The following ASTN2 variants were observed in gnomAD, a reference collection of about 807,000 sequenced individuals.
The protein encoded by ASTN2 is astrotactin-2.
ASTN2 carries 54 observed loss-of-function variants against 139.8 expected under a neutral mutation model. The ratio of observed to expected loss-of-function variants is 0.39; its 90% CI spans 0.31 to 0.48. The LOEUF (loss-of-function observed/expected upper bound fraction) is 0.48. Ranked by LOEUF, ASTN2 falls within the 20% of genes least tolerant of loss-of-function variation. The pLI is 0.95. For synonymous variants in ASTN2, 756 were observed against 719.5 expected, an observed-to-expected ratio of 1.05 and a Z score of -0.81; for missense variants, 1,565 against 1,725.1, an observed-to-expected ratio of 0.91 and a Z score of 1.64.
In ASTN2 at chr9:116,805,920, G is replaced by A; in HGVS notation, c.2208-100C>T. ...CCTCCTTTCCCTGCAAAACAGGTCA[G>A]AGTTTAGGAAGGAGACAGCTATTCT... On this transcript the variant is annotated intron_variant, in intron 12 of 22. Coordinates refer to ENST00000313400, the MANE Select transcript of ASTN2 (RefSeq NM_001365068.1). 3 of 1,212,724 alleles carry A rather than the reference G, an allele frequency of 2.5e-6. No homozygotes were observed. The South Asian group carries it at 4.4e-5, about 18-fold the overall frequency. The allele number at this position is 1,212,724 out of a possible 1,614,324, so 75.1% of individuals were successfully genotyped here. A position where few individuals can be genotyped will look rare whatever the true frequency, so the allele number is the denominator to read the frequency against.
chr9:116,711,667 C>T (rs2132096565), intron 16 of ASTN2, among the ~76,000 whole-genome samples: 1 of 152,264 alleles, frequency 6.6e-6, no homozygotes, highest in Admixed American at 6.5e-5. Context: ...ACCTAAGGAA[C>T]TCCAGCAGTC....
chr9:116,567,409 G>A (rs920836852), intron 19 of ASTN2, among the ~76,000 whole-genome samples: 6 of 152,278 alleles, frequency 3.9e-5, no homozygotes, highest in East Asian at 3.9e-4. Flanking sequence ...CTCAGTTGGC[G>A]GGGTGGGGCG....
At chr9:116,690,838 G>C (rs1397694315) in intron 16 of ASTN2, among the ~76,000 whole-genome samples, 1 of 152,196 alleles carries the variant, frequency 6.6e-6, no homozygotes, top group Non-Finnish European at 1.5e-5. Context: ...ATAAAAAAAT[G>C]CCTGACAATA....
chr9:117,227,984 T>C (rs1832769076), intron 2 of ASTN2, among the ~76,000 whole-genome samples: 1 of 152,130 alleles, frequency 6.6e-6, no homozygotes. Flanking sequence ...AAAGAGGGTG[T>C]CAATAATGTG....
At chr9:117,254,720 A>G (rs1256545183) in intron 2 of ASTN2, among the ~76,000 whole-genome samples, 1 of 152,218 alleles carries the variant, frequency 6.6e-6, no homozygotes, top group African/African-American at 2.4e-5. Flanking sequence ...AAAAAATACT[A>G]GATGTGAGTC....
intron 2 of ASTN2, among the ~76,000 whole-genome samples, chr9:117,231,863 C>T (rs1832901651): frequency 6.6e-6 from 1 of 152,162 alleles, no homozygotes; most frequent in South Asian, 2.1e-4. Context: ...CTATTTTGCT[C>T]AGAATCTTCT....
intron 1 of ASTN2, among the ~76,000 whole-genome samples, chr9:117,356,509 A>C (rs142466652): frequency 1.3e-5 from 2 of 152,360 alleles, no homozygotes; most frequent in Non-Finnish European, 2.9e-5. Flanking sequence ...GAGCAAGAGC[A>C]GTGCAGGAAC....
chr9:116,840,529 G>C (rs1419591293), intron 11 of ASTN2, among the ~76,000 whole-genome samples: 2 of 118,522 alleles, frequency 1.7e-5, no homozygotes, highest in Non-Finnish European at 1.7e-5. Context: ...CCTCCCTCCT[G>C]GACGGGGCGG....
intron 10 of ASTN2, among the ~76,000 whole-genome samples, chr9:116,906,734 G>A (rs1370405256): frequency 6.6e-6 from 1 of 152,158 alleles, no homozygotes; most frequent in Non-Finnish European, 1.5e-5. Context: ...TACTCAGGGA[G>A]TGTGAGTTGA....
In ASTN2 at chr9:116,937,280, C is replaced by A. The variant is rs949238325; in HGVS notation, c.1889+37928G>T. 2.6e-5 allele frequency among the ~76,000 whole-genome samples: 4 copies of A among 152,170 alleles called. No individual in the cohort carries two copies. In the South Asian group the frequency reaches 8.3e-4, roughly 31 times the overall value. The stretch of plus-strand genomic sequence containing the variant: ...TTGACTCCTGAGCAACCACTCACCC[C>A]TCAGCTTCCTTCTCCCACCTCCTTC... On this transcript the variant is annotated intron_variant, in intron 10 of 22. Coordinates refer to ENST00000313400, the MANE Select transcript of ASTN2 (RefSeq NM_001365068.1).
chr9:117,055,337 C>A (rs1198056309), intron 5 of ASTN2, among the ~76,000 whole-genome samples: 1 of 152,180 alleles, frequency 6.6e-6, no homozygotes, highest in Non-Finnish European at 1.5e-5. Flanking sequence ...GAAGACTGGG[C>A]CAGGTGTAGA....
At chr9:116,827,912 CA>C (rs1456443761) in intron 11 of ASTN2, among the ~76,000 whole-genome samples, 2 of 112,772 alleles carry the variant, frequency 1.8e-5, no homozygotes, top group Non-Finnish European at 3.6e-5. Flanking sequence ...ACCCTGATAC[CA>C]AAACCATACA....
At chr9:117,301,650 T>C (rs1026353611) in intron 1 of ASTN2, among the ~76,000 whole-genome samples, 1 of 152,120 alleles carries the variant, frequency 6.6e-6, no homozygotes, top group African/African-American at 2.4e-5. Context: ...CCAGGAGGTG[T>C]GATATGATAA....
At position 117,213,132 on chromosome 9, in the gene ASTN2, C is replaced by T. The variant is rs181376507; in HGVS notation, c.1015+1226G>A. On this transcript the variant is annotated intron_variant, in intron 3 of 22. Coordinates refer to ENST00000313400, the MANE Select transcript of ASTN2 (RefSeq NM_001365068.1). ...AAGAATGAAATCCTTTCATTTATGG[C>T]GACCTTGATGGAACTGAAGAACATT... Among the ~76,000 whole-genome samples, 364 of 152,168 alleles carry T rather than the reference C, an allele frequency of 2.4e-3. 2 individuals are homozygous for T. The highest frequency in any genetic ancestry group is 8.4e-3 in the African/African-American group (349 of 41,508).
chr9:116,786,396 T>C (rs150226815), intron 13 of ASTN2, among the ~76,000 whole-genome samples: 76 of 152,334 alleles, frequency 5.0e-4, no homozygotes, highest in African/African-American at 1.7e-3. Context: ...TTGTTCACTA[T>C]TGTCTTCCTG....
At chr9:116,906,680 T>TGTTTTC (rs56052009) in intron 10 of ASTN2, among the ~76,000 whole-genome samples, 1 of 151,272 alleles carries the variant, frequency 6.6e-6, no homozygotes, top group Non-Finnish European at 1.5e-5. Context: ...TTTTTGTTTT[T>TGTTTTC]TGGTTTGTTT....
intron 12 of ASTN2, among the ~76,000 whole-genome samples, chr9:116,817,269 G>A (rs1181592556): frequency 6.6e-6 from 1 of 151,642 alleles, no homozygotes; most frequent in Non-Finnish European, 1.5e-5. Flanking sequence ...ACTCCAGCCT[G>A]GGTGACAGAG....
At chr9:116,687,776 G>A (rs1229229057) in intron 16 of ASTN2, among the ~76,000 whole-genome samples, 4 of 152,012 alleles carry the variant, frequency 2.6e-5, no homozygotes, top group African/African-American at 9.7e-5. Flanking sequence ...AGGAACTGGG[G>A]GGCCCCGATG....
intron 19 of ASTN2, chr9:116,557,571 G>A (rs1282765859): frequency 2.0e-5 from 3 of 152,122 alleles, no homozygotes; most frequent in Non-Finnish European, 2.9e-5. Flanking sequence ...GGATGGCCAC[G>A]AGTTTCTTTA....
Sources: gnomAD v4.1 joint callset for allele counts (sites outside exome capture counted in the v4.1 genomes callset) on GRCh38, gnomAD v4.1.1 for gene constraint, MANE v1.5 for transcripts, NCBI Gene and HGNC (gene_info 2026-07-23, HGNC 2026-07-21) for gene names.